ZNF446: variants seen among roughly 807,000 people sequenced by gnomAD.
ZNF446 encodes the protein zinc finger protein with KRAB and SCAN domains 20.
A neutral mutation model predicts 34.0 loss-of-function variants in ZNF446; 42 were observed. The observed-to-expected ratio is 1.23, with a 90% confidence interval of 0.96 to 1.60. The LOEUF is 1.60. Ranked by LOEUF, ZNF446 falls within the 40% of genes most tolerant of loss-of-function variation. ZNF446 has a pLI of 0.00. For synonymous variants in ZNF446, 315 were observed against 251.0 expected (o/e 1.25, Z -2.41); for missense variants, 650 against 600.2 (o/e 1.08, Z -0.87).
rs751237339 is a variant in ZNF446, at chr19:58,478,155, A to C, written c.601A>C (p.Thr201Pro). 8 of 1,613,880 alleles carry C rather than the reference A, an allele frequency of 5.0e-6. No homozygotes were observed. The African/African-American group carries it at 9.3e-5, about 19-fold the overall frequency. ...CCATGGACACCAAGAACCAGCCTCC[A>C]CATCCTTCCACCCACCCAGGATTCA... ...GNHGHQEPAS[T>P]SFHPPRIQEE... Residue 201 changes from threonine to proline, a missense_variant, in exon 4 of 7, where the codon ACA becomes CCA. Physicochemically the swap from Thr to Pro is conservative, Grantham distance 38. Transcript: ENST00000594369.
At position 58,478,809 on chromosome 19, in the gene ZNF446, G is replaced by A. The variant is rs77289341; in HGVS notation, c.627+628G>A. On this transcript the variant is annotated intron_variant, in intron 4 of 6. Transcript: ENST00000594369. ...TCCCAGAGGTCCTGAGCCAGACCTGGGGATTTGAACTTTTGTGTGTAGCTG... is the reference window on the plus strand; with the variant it reads ...TCCCAGAGGTCCTGAGCCAGACCTGAGGATTTGAACTTTTGTGTGTAGCTG... Among the ~76,000 whole-genome samples, 1,063 of 152,192 alleles carry A rather than the reference G, an allele frequency of 7.0e-3. 10 individuals carry two copies. Among genetic ancestry groups the A allele is most frequent in the African/African-American group, 0.024 (997 of 41,504 alleles).
downstream of ZNF446, among the ~76,000 whole-genome samples, chr19:58,484,961 G>A (rs2053161639): frequency 2.0e-5 from 3 of 152,122 alleles, no homozygotes; most frequent in Admixed American, 1.3e-4. Context: ...GGGAGGCTGA[G>A]GCAGGAGGAT....
At position 58,477,807 on chromosome 19, in the gene ZNF446, T is replaced by A. The variant is rs777012569; in HGVS notation, c.513T>A (p.Asn171Lys). 1 of 1,571,966 alleles carries A rather than the reference T, an allele frequency of 6.4e-7. No homozygotes were observed. Among genetic ancestry groups the A allele is most frequent in the South Asian group, 1.2e-5 (1 of 84,548 alleles). ...GCTGCAGTGTGAAGGAGGAGCCCAA[T>A]GTCGATGGACAGGAAGTGGGTGAGG... Reference protein sequence around the residue: ...QLSCSVKEEPNVDGQEVAPSS... With the variant: ...QLSCSVKEEPKVDGQEVAPSS... The change falls in exon 3 of 7, where the codon AAT becomes AAA. Residue 171 changes from asparagine to lysine, a missense_variant. Physicochemically the swap from Asn to Lys is moderately conservative, Grantham distance 94. Coordinates refer to ENST00000594369, the MANE Select transcript of ZNF446 (RefSeq NM_017908.4).
the ZNF446 span, among the ~76,000 whole-genome samples, chr19:58,486,756 C>G: frequency 6.6e-6 from 1 of 150,662 alleles, no homozygotes; most frequent in African/African-American, 2.5e-5. Flanking sequence ...GCCATGTTGC[C>G]CAGGCTGAAA....
Position 58,480,668 on chromosome 19 carries a change from T to C in ZNF446, c.1295T>C (p.Phe432Ser), listed in dbSNP as rs2053132505. ...RHFCSDCGRAFDWKSQLVIHR... is the reference protein window; with the variant it reads ...RHFCSDCGRASDWKSQLVIHR... ...TTCTGCAGTGACTGTGGCCGCGCCT[T>C]CGACTGGAAGTCGCAGCTGGTCATC... Residue 432 changes from phenylalanine to serine, a missense_variant, in exon 7 of 7, where the codon TTC (phenylalanine) becomes TCC (serine). Physicochemically the swap from Phe to Ser is radical, Grantham distance 155 (BLOSUM62 -2). Transcript: ENST00000594369. The surrounding 1 kb of genome is among the most constrained non-coding windows in gnomAD (Gnocchi z 7.2). The C allele has an allele frequency of 9.9e-6, 16 of 1,611,028 alleles. No homozygotes were observed. Among genetic ancestry groups the C allele is most frequent in the Admixed American group, 1.7e-5 (1 of 60,000 alleles).
the ZNF446 span, among the ~76,000 whole-genome samples, chr19:58,489,274 T>C: frequency 1.3e-5 from 2 of 152,104 alleles, no homozygotes; most frequent in Non-Finnish European, 2.9e-5. Context: ...AGATCAGCGC[T>C]TGGGATATTT....
rs2053092887 is a variant in ZNF446, at chr19:58,477,088, T to TCCTGGTCTCAGCCC, written c.-40-85_-40-72dup. The TCCTGGTCTCAGCCC allele has an allele frequency of 3.9e-6, 3 of 772,482 alleles. No individual in the cohort carries two copies. The South Asian group carries it at 5.2e-5, about 13-fold the overall frequency. 47.9% of individuals were successfully genotyped at this position (772,482 alleles called of 1,614,324 possible). ...TCTTCTGGCCTCAGAGTACACTTGG[T>TCCTGGTCTCAGCCC]CCTGGTCTCAGCCCCCTGGGCTGAG... On this transcript the variant is annotated intron_variant, in intron 1 of 6. Transcript: ENST00000594369.
At chr19:58,477,586 T>G (rs1435351257) in intron 2 of ZNF446, 26 bp downstream of exon 2, 4 of 1,613,026 alleles carry the variant, frequency 2.5e-6, no homozygotes, top group Non-Finnish European at 3.4e-6. Flanking sequence ...ATCAGCTTCT[T>G]GGAGGGATAG....
chr19:58,486,599 G>A, the ZNF446 span, among the ~76,000 whole-genome samples: 2 of 150,730 alleles, frequency 1.3e-5, no homozygotes, highest in African/African-American at 4.9e-5. Context: ...GTAGAGGCGG[G>A]GTTTCACCAT....
the ZNF446 span, among the ~76,000 whole-genome samples, chr19:58,488,667 T>C: frequency 6.6e-6 from 1 of 151,078 alleles, no homozygotes; most frequent in African/African-American, 2.4e-5. Flanking sequence ...CTGGCTAACA[T>C]GGTGGAACCC....
At chr19:58,481,306 T>C (rs1445296010), downstream of ZNF446, 1 of 154,648 alleles carries the variant, frequency 6.5e-6, no homozygotes, top group Non-Finnish European at 1.4e-5. Flanking sequence ...CTCTGCCCAG[T>C]AGCTGCAGCA....
At chr19:58,484,271 TAA>T (rs34356403), downstream of ZNF446, among the ~76,000 whole-genome samples, 1,352 of 66,486 alleles carry the variant, frequency 0.02, 12 homozygotes, top group Non-Finnish European at 0.028. Flanking sequence ...ACCCCATCTC[TAA>T]AAAAAAAAAA....
At chr19:58,486,354 G>C in the ZNF446 span, among the ~76,000 whole-genome samples, 1 of 151,258 alleles carries the variant, frequency 6.6e-6, no homozygotes, top group African/African-American at 2.4e-5. Flanking sequence ...CAAAGTGCTG[G>C]GATTGCAGGC....
At chr19:58,479,440 GA>G in intron 4 of ZNF446, 39 of 589,786 alleles carry the variant, frequency 6.6e-5, no homozygotes, top group South Asian at 1.6e-4. Context: ...AGAGGGGGAT[GA>G]GTGCTGGCAG....
At chr19:58,488,759 G>C in the ZNF446 span, among the ~76,000 whole-genome samples, 1 of 150,370 alleles carries the variant, frequency 6.7e-6, no homozygotes. Flanking sequence ...GCTGAGGCAG[G>C]AGAATGGCGT....
downstream of ZNF446, among the ~76,000 whole-genome samples, chr19:58,482,988 G>A (rs1359983107): frequency 1.3e-5 from 2 of 152,176 alleles, no homozygotes; most frequent in African/African-American, 2.4e-5. Flanking sequence ...AGAAAAATTT[G>A]AAATACACAA....
chr19:58,479,951 A>G lies in ZNF446; in HGVS notation c.734A>G (p.Glu245Gly). Residue 245 changes from glutamate to glycine, a missense_variant, in exon 6 of 7, where the codon GAG becomes GGG. Transcript: ENST00000594369. ...GCAGGGTTACCGCCCCACCAGCCAG[A>G]GGCACAGGCCCAGTCAGAGCTGGGG... is the stretch of plus-strand genomic sequence containing the variant. ...VSLGLPPHQP[E>G]AQAQSELGML... The G allele has an allele frequency of 6.3e-7, 1 of 1,586,770 alleles. No homozygotes were observed. The highest frequency in any genetic ancestry group is 8.6e-7 in the Non-Finnish European group (1 of 1,169,290).
chr19:58,477,225 T>C lies in ZNF446; in HGVS notation c.7T>C (p.Ser3Pro). Residue 3 changes from serine to proline, a missense_variant, in exon 2 of 7, where the codon TCC becomes CCC. Ser to Pro is a moderately conservative substitution (Grantham distance 74). Coordinates refer to ENST00000594369, the MANE Select transcript of ZNF446 (RefSeq NM_017908.4). MP[S>P]PLGPPCLPVM... Reference sequence around the variant, plus strand: ...ACCACCCCCTTGAGCAAGAATGCCATCCCCTCTGGGTCCCCCATGCCTGCC... The same window carrying C: ...ACCACCCCCTTGAGCAAGAATGCCACCCCCTCTGGGTCCCCCATGCCTGCC... 1 of 1,557,816 alleles carries C rather than the reference T, an allele frequency of 6.4e-7. No homozygotes were observed. Among genetic ancestry groups the C allele is most frequent in the Non-Finnish European group, 8.7e-7 (1 of 1,151,242 alleles).
At chr19:58,485,672 G>A (rs2053165173), downstream of ZNF446, among the ~76,000 whole-genome samples, 1 of 152,124 alleles carries the variant, frequency 6.6e-6, no homozygotes, top group South Asian at 2.1e-4. Context: ...CCATACAAAA[G>A]AAAACAGATT....
Sources: gnomAD v4.1 joint callset for allele counts (sites outside exome capture counted in the v4.1 genomes callset) on GRCh38, gnomAD v4.1.1 for gene constraint, Gnocchi (gnomAD v3.1) non-coding constraint, MANE v1.5 for transcripts, NCBI Gene and HGNC (gene_info 2026-07-23, HGNC 2026-07-21) for gene names.